RASA3: variants seen among roughly 807,000 people sequenced by gnomAD.
The protein encoded by RASA3 is ras GTPase-activating protein 3.
In RASA3, 73 loss-of-function variants were observed where a neutral mutation model predicts 110.0. The observed-to-expected ratio is 0.66, with a 90% CI of 0.55 to 0.81. The LOEUF (loss-of-function observed/expected upper bound fraction) is 0.81, where lower values mean the gene tolerates loss of function less well. Ranked by LOEUF, RASA3 falls within the 30% of genes least tolerant of loss-of-function variation. The probability of loss-of-function intolerance (pLI) is 0.00; values close to 1 mark genes in which losing one functional copy is unlikely to be tolerated. For missense variants in RASA3, 976 were observed against 1,113.2 expected, an observed-to-expected ratio of 0.88 and a Z score of 1.75; for synonymous variants, 500 against 451.4, an observed-to-expected ratio of 1.11 and a Z score of -1.37.
intron 4 of RASA3, among the ~76,000 whole-genome samples, chr13:114,040,774 T>C (rs1395521353): frequency 1.0e-4 from 10 of 97,746 alleles, no homozygotes; most frequent in East Asian, 3.9e-4. Flanking sequence ...TGGCAGAGCC[T>C]GCGCTCACTC....
At chr13:113,997,667 G>A (rs929675448) in intron 20 of RASA3, among the ~76,000 whole-genome samples, 4 of 152,188 alleles carry the variant, frequency 2.6e-5, no homozygotes, top group African/African-American at 9.7e-5. Flanking sequence ...CCCAGAAGGA[G>A]CCGGCTCTGT....
Position 114,096,833 on chromosome 13 carries a change from G to A in RASA3, c.56-22996C>T, listed in dbSNP as rs1402776101. On this transcript the variant is annotated intron_variant, in intron 1 of 23. Coordinates refer to ENST00000334062, the MANE Select transcript of RASA3 (RefSeq NM_007368.4). The surrounding 1 kb of genome is among the most constrained non-coding windows in gnomAD (Gnocchi z 5.1). The stretch of plus-strand genomic sequence containing the variant: ...AGCAACGTCCGTCTGTGTCCAGGCC[G>A]ATCTCGCTGCTCCCTCGGACGTACT... Among the ~76,000 whole-genome samples, 10 of 152,250 alleles carry A rather than the reference G, an allele frequency of 6.6e-5. No individual in the cohort carries two copies. Among genetic ancestry groups the A allele is most frequent in the Non-Finnish European group, 1.5e-4 (10 of 68,018 alleles).
intron 12 of RASA3, among the ~76,000 whole-genome samples, chr13:114,016,700 T>G (rs945249929): frequency 3.9e-5 from 6 of 152,212 alleles, no homozygotes; most frequent in Non-Finnish European, 8.8e-5. Flanking sequence ...TTTAATAATA[T>G]TTTTACTTCA....
chr13:114,116,427 C>G (rs1422475550), intron 1 of RASA3, among the ~76,000 whole-genome samples: 1 of 151,920 alleles, frequency 6.6e-6, no homozygotes, highest in Non-Finnish European at 1.5e-5. Flanking sequence ...TAGGACAGAC[C>G]GCTGTTCCAA....
chr13:114,082,068 C>T (rs574833373), intron 1 of RASA3, among the ~76,000 whole-genome samples: 5 of 152,350 alleles, frequency 3.3e-5, no homozygotes, highest in East Asian at 1.9e-4. Context: ...AACAGACATT[C>T]GTCTTGATTA....
In RASA3 at chr13:113,981,645, G is replaced by A. The variant is rs191334399; in HGVS notation, c.2429+30C>T. The A allele has an allele frequency of 2.5e-4, 392 of 1,599,160 alleles. No individual in the cohort carries two copies. The African/African-American group carries it at 4.4e-3, about 18-fold the overall frequency. ...CAATCTCCCGCCCACTACACTGGCC[G>A]TCCAGGGCAGGCACGGGAGTGGCAC... is the stretch of plus-strand genomic sequence containing the variant. On this transcript the variant is annotated intron_variant, in intron 23 of 23. Coordinates refer to ENST00000334062, the MANE Select transcript of RASA3 (RefSeq NM_007368.4).
At chr13:114,097,038 G>C (rs1413391191) in intron 1 of RASA3, among the ~76,000 whole-genome samples, 2 of 152,154 alleles carry the variant, frequency 1.3e-5, no homozygotes, top group Non-Finnish European at 2.9e-5. Flanking sequence ...ACCTGTCCCT[G>C]AGTGTTCATG....
Position 114,065,187 on chromosome 13 carries a change from AC to A in RASA3, c.173+8532del, listed in dbSNP as rs2079424705. Among the ~76,000 whole-genome samples the A allele has an allele frequency of 3.3e-5, 5 of 152,064 alleles. No individual in the cohort carries two copies. Among genetic ancestry groups the A allele is most frequent in the Non-Finnish European group, 7.4e-5 (5 of 68,008 alleles). The stretch of plus-strand genomic sequence containing the variant: ...GGGCTCAGCTGGGACCAGCAGAGAA[AC>A]CCCCGCCTTCTCCTCCCTGAGTCAC... On this transcript the variant is annotated intron_variant, in intron 2 of 23. Transcript: ENST00000334062. The surrounding 1 kb of genome is among the most constrained non-coding windows in gnomAD (Gnocchi z 4.1).
intron 6 of RASA3, 114 bp from the exon 7 acceptor site, chr13:114,027,575 A>G (rs922803666): frequency 5.8e-6 from 5 of 858,666 alleles, no homozygotes; most frequent in African/African-American, 1.7e-5. Flanking sequence ...TATTTATTTT[A>G]TAAATATTTC....
chr13:114,039,658 A>C (rs1330416604), intron 4 of RASA3, among the ~76,000 whole-genome samples: 1 of 151,302 alleles, frequency 6.6e-6, no homozygotes, highest in Non-Finnish European at 1.5e-5. Flanking sequence ...GAGCTGGTGC[A>C]GGCTTGGGCT....
At chr13:113,997,889 C>T (rs943928572) in intron 20 of RASA3, among the ~76,000 whole-genome samples, 1 of 152,278 alleles carries the variant, frequency 6.6e-6, no homozygotes. Flanking sequence ...CCGCCTTGCA[C>T]CCGGCACATG....
Position 114,130,934 on chromosome 13 carries a change from C to T in RASA3, c.55+1501G>A, listed in dbSNP as rs2080510058. 5.2e-5 allele frequency among the ~76,000 whole-genome samples: 8 copies of T among 152,384 alleles called. No individual in the cohort carries two copies. The South Asian group carries it at 1.4e-3, about 28-fold the overall frequency. On this transcript the variant is annotated intron_variant, in intron 1 of 23. Coordinates refer to ENST00000334062, the MANE Select transcript of RASA3 (RefSeq NM_007368.4). Reference sequence around the variant, plus strand: ...GAAGGAAAGAGCAGCAAACTGACCCCCACGGGCCGCGACCTTTCCCCACCC... The same window carrying T: ...GAAGGAAAGAGCAGCAAACTGACCCTCACGGGCCGCGACCTTTCCCCACCC...
chr13:114,131,160 A>G (rs2080512876), intron 1 of RASA3, among the ~76,000 whole-genome samples: 1 of 152,214 alleles, frequency 6.6e-6, no homozygotes, highest in South Asian at 2.1e-4. Flanking sequence ...AAACCAAAAT[A>G]AAGCCGACAG....
At chr13:114,079,234 C>T (rs924067656) in intron 1 of RASA3, among the ~76,000 whole-genome samples, 2 of 152,248 alleles carry the variant, frequency 1.3e-5, no homozygotes, top group Non-Finnish European at 2.9e-5. Context: ...GCGCTCTTCT[C>T]TTTCCCACGT....
intron 23 of RASA3, among the ~76,000 whole-genome samples, chr13:113,979,773 C>T (rs1220943381): frequency 5.9e-5 from 9 of 152,248 alleles, no homozygotes; most frequent in Middle Eastern, 3.4e-3. Context: ...AGCATGAGCT[C>T]CAGGGACACA....
chr13:114,016,487 A>C (rs1472575928), intron 12 of RASA3, among the ~76,000 whole-genome samples: 3 of 152,126 alleles, frequency 2.0e-5, no homozygotes, highest in Admixed American at 2.0e-4. Context: ...CCTCAGCTGC[A>C]AGGGGGCAAC....
At chr13:113,979,752 CAT>C (rs746834574) in intron 23 of RASA3, among the ~76,000 whole-genome samples, 59 of 152,236 alleles carry the variant, frequency 3.9e-4, no homozygotes, top group Non-Finnish European at 6.9e-4. Context: ...AGAGTGTGCT[CAT>C]GTGTGGGGAG....
chr13:114,026,268 G>A (rs573167671), intron 7 of RASA3, among the ~76,000 whole-genome samples: 1 of 152,326 alleles, frequency 6.6e-6, no homozygotes, highest in Admixed American at 6.5e-5. Context: ...AGCAGCCGAG[G>A]CGGGGGGAGC....
intron 1 of RASA3, among the ~76,000 whole-genome samples, chr13:114,117,210 G>A (rs1459416166): frequency 2.0e-5 from 2 of 99,520 alleles, no homozygotes; most frequent in Admixed American, 1.0e-4. Flanking sequence ...TGTGTGAGGG[G>A]TGCACGTGTG....
Sources: gnomAD v4.1 joint callset for allele counts (sites outside exome capture counted in the v4.1 genomes callset) on GRCh38, gnomAD v4.1.1 for gene constraint, Gnocchi (gnomAD v3.1) non-coding constraint, MANE v1.5 for transcripts, NCBI Gene and HGNC (gene_info 2026-07-23, HGNC 2026-07-21) for gene names.